Variants in IRF6 observed in about 807,000 individuals in gnomAD.
IRF6 encodes the protein interferon regulatory factor 6.
In IRF6, 6 loss-of-function variants were observed where a neutral mutation model predicts 51.4. The observed-to-expected ratio is 0.12, with a 90% CI of 0.06 to 0.23. The LOEUF (loss-of-function observed/expected upper bound fraction) is 0.23. IRF6 is among the 10% of genes least tolerant of loss of function. The probability of loss-of-function intolerance (pLI) is 1.00; values close to 1 mark genes in which losing one functional copy is unlikely to be tolerated. For missense variants in IRF6, 348 were observed against 585.2 expected, an observed-to-expected ratio of 0.59 and a Z score of 4.18; for synonymous variants, 178 against 215.7, an observed-to-expected ratio of 0.83 and a Z score of 1.53.
At chr1:209,792,728 T>G (rs1216705157) in intron 5 of IRF6, 1 of 406,984 alleles carries the variant, frequency 2.5e-6, no homozygotes, top group African/African-American at 2.0e-5. Flanking sequence ...AGTAAGACAT[T>G]CCATACTGTA....
At chr1:209,804,194 G>A (rs1415541291) in intron 1 of IRF6, among the ~76,000 whole-genome samples, 1 of 152,138 alleles carries the variant, frequency 6.6e-6, no homozygotes, top group Non-Finnish European at 1.5e-5. Context: ...CTTTGTATCT[G>A]TGTAGGCTTT....
At chr1:209,791,774 C>T (rs1464867476) in intron 6 of IRF6, among the ~76,000 whole-genome samples, 1 of 151,952 alleles carries the variant, frequency 6.6e-6, no homozygotes, top group Non-Finnish European at 1.5e-5. Flanking sequence ...AAGTAAGTGT[C>T]AGCCAATGTT....
chr1:209,792,954 A>T (rs1445337663), intron 5 of IRF6, among the ~76,000 whole-genome samples: 2 of 152,216 alleles, frequency 1.3e-5, no homozygotes, highest in African/African-American at 4.8e-5. Flanking sequence ...GGGACAGGAT[A>T]GAAGGAAAAC....
intron 3 of IRF6, 109 bp downstream of exon 3, chr1:209,801,131 T>C: frequency 2.0e-6 from 2 of 983,224 alleles, no homozygotes; most frequent in Non-Finnish European, 3.0e-6. Context: ...ACCCCCATCA[T>C]AAGCATTCTC....
At chr1:209,800,808 A>G (rs561063937) in intron 3 of IRF6, among the ~76,000 whole-genome samples, 1 of 152,186 alleles carries the variant, frequency 6.6e-6, no homozygotes, top group African/African-American at 2.4e-5. Context: ...CTCTATACCA[A>G]TCACATAGGC....
intron 5 of IRF6, among the ~76,000 whole-genome samples, chr1:209,794,433 T>C (rs2102540741): frequency 6.6e-6 from 1 of 152,338 alleles, no homozygotes; most frequent in South Asian, 2.1e-4. Context: ...CAGACAAGTG[T>C]CATTTCCTGA....
rs1174694300 is a variant in IRF6 at position 209,801,959 on chromosome 1, A to G, written c.-4+13T>C. On this transcript the variant is annotated intron_variant, in intron 2 of 8. Transcript: ENST00000367021. ...ATAAGGGGTAGATCCTGGACTCCAGAGTCCTCACTTACATGGAAGAGCAGG... is the reference window on the plus strand; with the variant it reads ...ATAAGGGGTAGATCCTGGACTCCAGGGTCCTCACTTACATGGAAGAGCAGG... The G allele has an allele frequency of 6.6e-6, 1 of 152,294 alleles. No homozygotes were observed. Among genetic ancestry groups the G allele is most frequent in the East Asian group, 1.9e-4 (1 of 5,208 alleles). 9.4% of individuals were successfully genotyped at this position (152,294 alleles called of 1,614,324 possible).
At position 209,785,925 on chromosome 1, in the gene IRF6, G is replaced by T. The variant is rs1353013555; in HGVS notation, c.*2495C>A. Reference sequence around the variant, plus strand: ...ACCTAATTTTATGGGAAAGGGACCAGCCCAGATCCAACACTTGCTCTCCCA... The same window carrying T: ...ACCTAATTTTATGGGAAAGGGACCATCCCAGATCCAACACTTGCTCTCCCA... On this transcript the variant is annotated 3_prime_UTR_variant, in exon 9 of 9. Coordinates refer to ENST00000367021, the MANE Select transcript of IRF6 (RefSeq NM_006147.4). 1 of 152,204 alleles carries T rather than the reference G, an allele frequency of 6.6e-6. No individual in the cohort carries two copies. Among genetic ancestry groups the T allele is most frequent in the African/African-American group, 2.4e-5 (1 of 41,436 alleles). 9.4% of individuals were successfully genotyped at this position (152,204 alleles called of 1,614,324 possible). A position where few individuals can be genotyped will look rare whatever the true frequency, so the allele number is the denominator to read the frequency against.
intron 1 of IRF6, among the ~76,000 whole-genome samples, chr1:209,804,089 GAT>G (rs1438088380): frequency 1.3e-5 from 2 of 152,054 alleles, no homozygotes; most frequent in African/African-American, 4.8e-5. Context: ...TTCCTACAAT[GAT>G]ATGTTTCAAT....
At position 209,790,797 on chromosome 1, in the gene IRF6, T is replaced by G; in HGVS notation, c.758A>C (p.Tyr253Ser). 1.2e-6 allele frequency: 2 copies of G among 1,614,126 alleles called. No individual in the cohort carries two copies. Among genetic ancestry groups the G allele is most frequent in the Non-Finnish European group, 1.7e-6 (2 of 1,180,026 alleles). Residue 253 changes from tyrosine to serine, a missense_variant, in exon 7 of 9, where the codon TAT (tyrosine) becomes TCT (serine). Transcript: ENST00000367021. The surrounding 1 kb of genome is among the most constrained non-coding windows in gnomAD (Gnocchi z 4.8). Reference sequence around the variant, plus strand: ...GTCAGGCATGGGACCCAGGTCCCCATAGAAGAGTCGGCAGCCCTGAGGGTT... The same window carrying G: ...GTCAGGCATGGGACCCAGGTCCCCAGAGAAGAGTCGGCAGCCCTGAGGGTT... ...VSNPQGCRLF[Y>S]GDLGPMPDQE...
Position 209,804,838 on chromosome 1 carries a change from G to A in IRF6, c.-76+1109C>T, listed in dbSNP as rs184423677. Among the ~76,000 whole-genome samples the A allele has an allele frequency of 1.1e-3, 173 of 152,228 alleles. 1 individual carries two copies. The highest frequency in any genetic ancestry group is 1.5e-3 in the Non-Finnish European group (99 of 68,018). ...GCCACACAAAAGCCGAGATTTGGCCGTCAGTGGTTTTGCTCAGGTTAAAAC... is the reference window on the plus strand; with the variant it reads ...GCCACACAAAAGCCGAGATTTGGCCATCAGTGGTTTTGCTCAGGTTAAAAC... On this transcript the variant is annotated intron_variant, in intron 1 of 8. Coordinates refer to ENST00000367021, the MANE Select transcript of IRF6 (RefSeq NM_006147.4).
At position 209,787,378 on chromosome 1, in the gene IRF6, G is replaced by A. The variant is rs1237052339; in HGVS notation, c.*1042C>T. 6.6e-6 allele frequency: 1 copy of A among 152,326 alleles called. No individual in the cohort carries two copies. Among genetic ancestry groups the A allele is most frequent in the Non-Finnish European group, 1.5e-5 (1 of 68,166 alleles). 9.4% of individuals were successfully genotyped at this position (152,326 alleles called of 1,614,324 possible). A position where few individuals can be genotyped will look rare whatever the true frequency, so the allele number is the denominator to read the frequency against. ...AGGGAGACAAGCAGGTTCGTGCTAG[G>A]TGAGCCTTTCCAGAAGAGTACTGCC... On this transcript the variant is annotated 3_prime_UTR_variant, in exon 9 of 9. Transcript: ENST00000367021.
chr1:209,788,067 A>C lies in IRF6; in HGVS notation c.*353T>G, dbSNP rs79863693. 6.5e-6 allele frequency: 2 copies of C among 307,178 alleles called. No homozygotes were observed. The highest frequency in any genetic ancestry group is 2.2e-5 in the African/African-American group (1 of 45,872). 19.0% of individuals were successfully genotyped at this position (307,178 alleles called of 1,614,324 possible). A position where few individuals can be genotyped will look rare whatever the true frequency, so the allele number is the denominator to read the frequency against. On this transcript the variant is annotated 3_prime_UTR_variant, in exon 9 of 9. Coordinates refer to ENST00000367021, the MANE Select transcript of IRF6 (RefSeq NM_006147.4). Reference sequence around the variant, plus strand: ...GGATGCAATTTCAGGCACTACTCCAATCTCTTCACTTTATAAGCAATAAAT... The same window carrying C: ...GGATGCAATTTCAGGCACTACTCCACTCTCTTCACTTTATAAGCAATAAAT...
Position 209,790,818 on chromosome 1 carries a change from G to C in IRF6, c.737C>G (p.Pro246Arg). 6.2e-7 allele frequency: 1 copy of C among 1,614,010 alleles called. No homozygotes were observed. The highest frequency in any genetic ancestry group is 8.5e-7 in the Non-Finnish European group (1 of 1,180,036). ...CCCATAGAAGAGTCGGCAGCCCTGAGGGTTGCTCACGGTCATGGTCTGCCC... is the reference window on the plus strand; with the variant it reads ...CCCATAGAAGAGTCGGCAGCCCTGACGGTTGCTCACGGTCATGGTCTGCCC... ...EYGQTMTVSN[P>R]QGCRLFYGDL... Residue 246 changes from proline (P) to arginine (R), a missense_variant, in exon 7 of 9, where the codon CCT (proline) becomes CGT (arginine). By Grantham distance (103) the Pro-to-Arg change is moderately radical. Coordinates refer to ENST00000367021, the MANE Select transcript of IRF6 (RefSeq NM_006147.4). The surrounding 1 kb of genome is among the most constrained non-coding windows in gnomAD (Gnocchi z 4.8).
At chr1:209,803,482 G>A (rs1314982893) in intron 1 of IRF6, among the ~76,000 whole-genome samples, 1 of 152,212 alleles carries the variant, frequency 6.6e-6, no homozygotes, top group African/African-American at 2.4e-5. Context: ...CCTGATGATG[G>A]GAAAGGAGAA....
At chr1:209,793,224 T>A (rs1030356995) in intron 5 of IRF6, 1 of 152,174 alleles carries the variant, frequency 6.6e-6, no homozygotes, top group Non-Finnish European at 1.5e-5. Context: ...CCCTTTTTTT[T>A]AGATCATGTC....
intron 1 of IRF6, among the ~76,000 whole-genome samples, chr1:209,803,275 A>G (rs2077954814): frequency 6.6e-6 from 1 of 152,230 alleles, no homozygotes; most frequent in African/African-American, 2.4e-5. Context: ...ATAGGCACCA[A>G]ACCAGTCAAT....
At position 209,788,157 on chromosome 1, in the gene IRF6, T is replaced by C. The variant is rs767071375; in HGVS notation, c.*263A>G. On this transcript the variant is annotated 3_prime_UTR_variant, in exon 9 of 9. Transcript: ENST00000367021. ...TGGAAGCAAAGCTGCAGCTAGAACT[T>C]TGGTGTCCAAACTCCCAGGCCAAAT... 21 of 486,074 alleles carry C rather than the reference T, an allele frequency of 4.3e-5. No homozygotes were observed. Among genetic ancestry groups the C allele is most frequent in the Non-Finnish European group, 7.8e-5 (21 of 269,348 alleles). The allele number at this position is 486,074 out of a possible 1,614,324, so 30.1% of individuals were successfully genotyped here.
chr1:209,802,899 GA>G (rs2077952345), intron 1 of IRF6, among the ~76,000 whole-genome samples: 1 of 152,216 alleles, frequency 6.6e-6, no homozygotes, highest in Non-Finnish European at 1.5e-5. Context: ...TCCCCAGCCA[GA>G]CTCCCAACAA....
Sources: allele counts gnomAD v4.1 joint callset (sites outside exome capture counted in the v4.1 genomes callset), GRCh38; gene constraint gnomAD v4.1.1; non-coding constraint Gnocchi (gnomAD v3.1); transcripts MANE v1.5; gene names NCBI Gene and HGNC (gene_info 2026-07-23, HGNC 2026-07-21).